RAB10: variants seen among roughly 807,000 people sequenced by gnomAD.
The protein encoded by RAB10 is RAB10, member RAS oncogene family.
RAB10 carries 5 observed loss-of-function variants against 25.7 expected under a neutral mutation model. The observed-to-expected ratio is 0.19, with a 90% CI of 0.10 to 0.41. RAB10 has a LOEUF of 0.41. Among genes scored for constraint, RAB10 ranks in the 10% least tolerant of loss-of-function variants. RAB10 has a pLI of 1.00. For missense variants in RAB10, 103 were observed against 245.8 expected (o/e 0.42, Z 3.89); for synonymous variants, 89 against 86.4 (o/e 1.03, Z -0.16).
At chr2:26,115,573 G>A (rs1468155211) in intron 3 of RAB10, among the ~76,000 whole-genome samples, 1 of 152,156 alleles carries the variant, frequency 6.6e-6, no homozygotes, top group Non-Finnish European at 1.5e-5. Flanking sequence ...GCCAGGTGCT[G>A]GGGGTGATGT....
At chr2:26,065,852 C>G (rs1666502055) in intron 1 of RAB10, among the ~76,000 whole-genome samples, 1 of 152,104 alleles carries the variant, frequency 6.6e-6, no homozygotes, top group Non-Finnish European at 1.5e-5. Flanking sequence ...AGTCTTTTTG[C>G]ATATAGTTAT....
intron 1 of RAB10, among the ~76,000 whole-genome samples, chr2:26,085,996 T>A: frequency 3.0e-5 from 1 of 32,918 alleles, no homozygotes; most frequent in Non-Finnish European, 5.2e-5. Context: ...CAAAACTGTC[T>A]CCAAAAAAAA....
chr2:26,087,749 A>G (rs537078439), intron 1 of RAB10, among the ~76,000 whole-genome samples: 28 of 152,318 alleles, frequency 1.8e-4, no homozygotes, highest in Non-Finnish European at 3.4e-4. Context: ...GAAAGGAAAT[A>G]ATACTATGAA....
At position 26,074,678 on chromosome 2, in the gene RAB10, C is replaced by CA. The variant is rs1158416978; in HGVS notation, c.128-23981dup. 5.3e-5 allele frequency among the ~76,000 whole-genome samples: 8 copies of CA among 152,302 alleles called. 1 individual carries two copies. Among genetic ancestry groups the CA allele is most frequent in the African/African-American group, 1.9e-4 (8 of 41,558 alleles). Reference sequence around the variant, plus strand: ...AGGTGATCCACCCGCCTTGGTCTCCCAAAGTGCTGGGATTACAGGCGTGAG... The same window carrying CA: ...AGGTGATCCACCCGCCTTGGTCTCCCAAAAGTGCTGGGATTACAGGCGTGAG... On this transcript the variant is annotated intron_variant, in intron 1 of 5. Coordinates refer to ENST00000264710, the MANE Select transcript of RAB10 (RefSeq NM_016131.5).
chr2:26,067,376 T>C (rs1024742822), intron 1 of RAB10, among the ~76,000 whole-genome samples: 1 of 152,094 alleles, frequency 6.6e-6, no homozygotes, highest in Non-Finnish European at 1.5e-5. Flanking sequence ...GCAAAAGGGG[T>C]TTATACTGTA....
chr2:26,124,411 T>G (rs868616495), intron 3 of RAB10, among the ~76,000 whole-genome samples: 1 of 117,408 alleles, frequency 8.5e-6, no homozygotes, highest in South Asian at 3.2e-4. Context: ...TTTTTTTTTT[T>G]TTTTTTGAGA....
intron 3 of RAB10, among the ~76,000 whole-genome samples, chr2:26,117,887 C>T (rs1015492963): frequency 3.9e-5 from 6 of 152,134 alleles, no homozygotes; most frequent in African/African-American, 7.2e-5. Context: ...TTTAGAGAAA[C>T]GTACTTTGGA....
At chr2:26,089,457 A>G (rs1435031382) in intron 1 of RAB10, among the ~76,000 whole-genome samples, 1 of 151,158 alleles carries the variant, frequency 6.6e-6, no homozygotes, top group Non-Finnish European at 1.5e-5. Flanking sequence ...GATGGATTGA[A>G]TTGAAGTGGT....
chr2:26,050,448 A>G lies in RAB10; in HGVS notation c.127+15713A>G, dbSNP rs1204119257. On this transcript the variant is annotated intron_variant, in intron 1 of 5. Transcript: ENST00000264710. ...GTTCTTAATAAAAAATTTCATAATTACGTACCTTGGTAGGTGGGTCTTTTT... is the reference window on the plus strand; with the variant it reads ...GTTCTTAATAAAAAATTTCATAATTGCGTACCTTGGTAGGTGGGTCTTTTT... Among the ~76,000 whole-genome samples, 9 of 152,262 alleles carry G rather than the reference A, an allele frequency of 5.9e-5. No homozygotes were observed. In the East Asian group the frequency reaches 1.5e-3, roughly 26 times the overall value.
chr2:26,063,921 C>T (rs983525139), intron 1 of RAB10, among the ~76,000 whole-genome samples: 1 of 152,126 alleles, frequency 6.6e-6, no homozygotes, highest in Admixed American at 6.5e-5. Context: ...CTTCAGCTGC[C>T]CAAGCAGCTG....
At chr2:26,108,722 A>G (rs1667513623) in intron 2 of RAB10, among the ~76,000 whole-genome samples, 1 of 152,072 alleles carries the variant, frequency 6.6e-6, no homozygotes, top group Non-Finnish European at 1.5e-5. Context: ...ATCATTAGGA[A>G]AAGCTGGGTG....
chr2:26,054,549 A>T (rs189326194), intron 1 of RAB10, among the ~76,000 whole-genome samples: 2 of 152,284 alleles, frequency 1.3e-5, no homozygotes, highest in East Asian at 3.9e-4. Flanking sequence ...TAATGTGGGG[A>T]TATATATTCA....
chr2:26,036,411 A>T (rs1350526870), intron 1 of RAB10, among the ~76,000 whole-genome samples: 1 of 152,198 alleles, frequency 6.6e-6, no homozygotes, highest in Non-Finnish European at 1.5e-5. Context: ...CTGTAATCCC[A>T]GCACTTTGGG....
At chr2:26,115,375 T>C (rs1005970563) in intron 3 of RAB10, among the ~76,000 whole-genome samples, 3 of 150,882 alleles carry the variant, frequency 2.0e-5, no homozygotes, top group Non-Finnish European at 4.4e-5. Context: ...ATAAATAAAA[T>C]GTGTATATTC....
At chr2:26,051,947 C>G (rs1666144767) in intron 1 of RAB10, among the ~76,000 whole-genome samples, 1 of 151,788 alleles carries the variant, frequency 6.6e-6, no homozygotes, top group East Asian at 1.9e-4. Flanking sequence ...ATCCCAGCTA[C>G]TCAGGAGGCT....
chr2:26,125,485 T>G (rs1667886816), intron 3 of RAB10, among the ~76,000 whole-genome samples: 1 of 151,032 alleles, frequency 6.6e-6, no homozygotes, highest in Non-Finnish European at 1.5e-5. Flanking sequence ...CTTGCTCTGT[T>G]CCCCAGGCTG....
At chr2:26,096,017 G>A (rs1377159797) in intron 1 of RAB10, among the ~76,000 whole-genome samples, 1 of 152,262 alleles carries the variant, frequency 6.6e-6, no homozygotes, top group South Asian at 2.1e-4. Context: ...TTTCAGTTCC[G>A]TCTTTATTTC....
chr2:26,061,028 T>C (rs1666382420), intron 1 of RAB10, among the ~76,000 whole-genome samples: 1 of 151,058 alleles, frequency 6.6e-6, no homozygotes, highest in African/African-American at 2.4e-5. Flanking sequence ...GATTTGCTTC[T>C]TTAAAAATAT....
chr2:26,135,442 T>C lies in RAB10; in HGVS notation c.*421T>C, dbSNP rs1668091712. ...AATGTGCTTGAGTCCCTATAATCTA[T>C]AGACATGTGATAGCAAAAGAAACAA... is the stretch of plus-strand genomic sequence containing the variant. On this transcript the variant is annotated 3_prime_UTR_variant, in exon 6 of 6. Transcript: ENST00000264710. 6.5e-6 allele frequency: 1 copy of C among 153,930 alleles called. No homozygotes were observed. The highest frequency in any genetic ancestry group is 2.4e-5 in the African/African-American group (1 of 41,516). The allele number at this position is 153,930 out of a possible 1,614,324, so 9.5% of individuals were successfully genotyped here.
Sources: gnomAD v4.1 joint callset for allele counts (sites outside exome capture counted in the v4.1 genomes callset) on GRCh38, gnomAD v4.1.1 for gene constraint, MANE v1.5 for transcripts, NCBI Gene and HGNC (gene_info 2026-07-23, HGNC 2026-07-21) for gene names.